The following GLI3 variants were observed in gnomAD, a reference collection of about 807,000 sequenced individuals.
GLI3 encodes the protein GLI family zinc finger 3, also known as transcription activator GLI3.
In GLI3, 20 loss-of-function variants were observed where a neutral mutation model predicts 100.8. The observed-to-expected ratio is 0.20, with a 90% confidence interval of 0.14 to 0.29. The LOEUF is 0.29. Among genes scored for constraint, GLI3 ranks in the 10% least tolerant of loss-of-function variants. GLI3 has a pLI of 1.00. For synonymous variants in GLI3, 938 were observed against 860.5 expected (o/e 1.09, Z -1.58); for missense variants, 2,040 against 2,128.5 (o/e 0.96, Z 0.82).
At chr7:42,236,498 C>G (rs946401848) in intron 1 of GLI3, among the ~76,000 whole-genome samples, 1 of 151,836 alleles carries the variant, frequency 6.6e-6, no homozygotes, top group Non-Finnish European at 1.5e-5. Flanking sequence ...CGGCGGCCCC[C>G]GCGGCGGAGG....
chr7:42,070,495 G>A (rs1162242109), intron 4 of GLI3, among the ~76,000 whole-genome samples: 1 of 152,186 alleles, frequency 6.6e-6, no homozygotes, highest in African/African-American at 2.4e-5. Context: ...GGAGTCTGAT[G>A]CCTGGGTTAA....
intron 7 of GLI3, among the ~76,000 whole-genome samples, chr7:42,032,795 C>T (rs563569662): frequency 3.9e-5 from 6 of 152,070 alleles, no homozygotes; most frequent in East Asian, 3.9e-4. Context: ...GAGGAAAGTA[C>T]GAAAAATGTC....
At chr7:42,195,256 T>C (rs905272829) in intron 2 of GLI3, among the ~76,000 whole-genome samples, 1 of 152,192 alleles carries the variant, frequency 6.6e-6, no homozygotes, top group Admixed American at 6.5e-5. Context: ...CCTTGAACAC[T>C]GTCATGTCTG....
Position 42,048,482 on chromosome 7 carries a change from T to C in GLI3, c.679+9A>G, listed in dbSNP as rs375124110. On this transcript the variant is annotated intron_variant, in intron 5 of 14. Coordinates refer to ENST00000395925, the MANE Select transcript of GLI3 (RefSeq NM_000168.6). ...TGATCTCCAGAAGCAGAATCCATCC[T>C]GGACTTACCATCTGTAGGGCTCAGC... 2.1e-5 allele frequency: 34 copies of C among 1,594,382 alleles called. No homozygotes were observed. The highest frequency in any genetic ancestry group is 2.9e-5 in the Non-Finnish European group (34 of 1,162,722).
chr7:42,111,389 C>T (rs1052112473), intron 3 of GLI3, among the ~76,000 whole-genome samples: 17 of 152,050 alleles, frequency 1.1e-4, no homozygotes, highest in African/African-American at 3.1e-4. Context: ...GGGGTCTGGA[C>T]GGTGTTGTCA....
chr7:42,083,607 A>G (rs949366999), intron 3 of GLI3, among the ~76,000 whole-genome samples: 8 of 152,240 alleles, frequency 5.3e-5, no homozygotes, highest in African/African-American at 1.9e-4. Flanking sequence ...TTATGGAAAA[A>G]GGTTGACAAA....
At chr7:41,991,984 G>A (rs1562674184) in intron 10 of GLI3, among the ~76,000 whole-genome samples, 1 of 152,172 alleles carries the variant, frequency 6.6e-6, no homozygotes, top group Non-Finnish European at 1.5e-5. Context: ...GAGTGCTGCA[G>A]AGGCAGCCTG....
intron 3 of GLI3, among the ~76,000 whole-genome samples, chr7:42,140,668 G>A (rs1316684084): frequency 1.3e-5 from 2 of 152,144 alleles, no homozygotes; most frequent in Non-Finnish European, 2.9e-5. Flanking sequence ...ACTGTGAACA[G>A]CACACAGAGA....
intron 3 of GLI3, among the ~76,000 whole-genome samples, chr7:42,131,235 C>G (rs537376925): frequency 3.9e-5 from 6 of 152,270 alleles, no homozygotes; most frequent in Admixed American, 1.3e-4. Context: ...CTCGTTCAGA[C>G]TTCTCAGGAG....
intron 3 of GLI3, among the ~76,000 whole-genome samples, chr7:42,110,559 C>G (rs565885086): frequency 4.6e-5 from 7 of 152,156 alleles, no homozygotes. Context: ...CCATAATAAA[C>G]CCGGTAATTC....
At chr7:42,036,188 T>C (rs1424215921) in intron 7 of GLI3, among the ~76,000 whole-genome samples, 1 of 152,232 alleles carries the variant, frequency 6.6e-6, no homozygotes, top group Non-Finnish European at 1.5e-5. Flanking sequence ...TTTTTAATCC[T>C]TTATTTTCTA....
At chr7:42,213,840 T>C (rs1340092601) in intron 2 of GLI3, among the ~76,000 whole-genome samples, 1 of 152,248 alleles carries the variant, frequency 6.6e-6, no homozygotes, top group Non-Finnish European at 1.5e-5. Context: ...TTGTGTCATA[T>C]GGAATTCTTT....
chr7:42,066,996 C>T (rs1784688457), intron 4 of GLI3, among the ~76,000 whole-genome samples: 2 of 152,212 alleles, frequency 1.3e-5, no homozygotes, highest in South Asian at 4.1e-4. Flanking sequence ...GAAGTGAGTG[C>T]TGTACGGGTA....
intron 3 of GLI3, among the ~76,000 whole-genome samples, chr7:42,115,435 A>G (rs1267631887): frequency 1.3e-5 from 2 of 152,130 alleles, no homozygotes; most frequent in Non-Finnish European, 2.9e-5. Context: ...CACCGTGCCC[A>G]GCCCATTTTC....
chr7:42,178,338 C>T (rs559196591), intron 2 of GLI3, among the ~76,000 whole-genome samples: 102 of 152,312 alleles, frequency 6.7e-4, no homozygotes, highest in African/African-American at 2.3e-3. Context: ...CAGATGCAGG[C>T]GCTTAATTCC....
rs141756464 is a variant in GLI3, at chr7:42,215,350, C to T, written c.124+7780G>A. Among the ~76,000 whole-genome samples the T allele has an allele frequency of 1.3e-4, 20 of 152,240 alleles. No individual in the cohort carries two copies. The East Asian group carries it at 3.7e-3, about 28-fold the overall frequency. The stretch of plus-strand genomic sequence containing the variant: ...AAACGTTTCTATGTAAACAAGGTAA[C>T]AGGGAGTTTTTTGCTTTTACTATCA... On this transcript the variant is annotated intron_variant, in intron 2 of 14. Transcript: ENST00000395925.
At chr7:42,192,039 G>A (rs1359952683) in intron 2 of GLI3, among the ~76,000 whole-genome samples, 5 of 149,340 alleles carry the variant, frequency 3.3e-5, no homozygotes, top group Admixed American at 1.3e-4. Flanking sequence ...TACAATCACA[G>A]AAAAAAAAAA....
intron 1 of GLI3, among the ~76,000 whole-genome samples, chr7:42,229,094 T>C (rs1788641906): frequency 6.6e-6 from 1 of 152,186 alleles, no homozygotes; most frequent in African/African-American, 2.4e-5. Context: ...AAATGATGTT[T>C]GAAGTGAATA....
chr7:42,207,895 C>T (rs62443823), intron 2 of GLI3, among the ~76,000 whole-genome samples: 4,408 of 152,296 alleles, frequency 0.029, 106 homozygotes, highest in Middle Eastern at 0.14. Flanking sequence ...CGGTGGCTCA[C>T]GCCTATAATC....
Sources: gnomAD v4.1 joint callset for allele counts (sites outside exome capture counted in the v4.1 genomes callset) on GRCh38, gnomAD v4.1.1 for gene constraint, MANE v1.5 for transcripts, NCBI Gene and HGNC (gene_info 2026-07-23, HGNC 2026-07-21) for gene names.